Variants in PDK1 observed in about 807,000 individuals in gnomAD.
PDK1 encodes the protein [Pyruvate dehydrogenase (acetyl-transferring)] kinase isozyme 1, mitochondrial.
Under a neutral mutation model 54.2 loss-of-function variants are expected in PDK1, and 39 were observed. The observed-to-expected ratio is 0.72, with a 90% CI of 0.56 to 0.94. The LOEUF is 0.94. Among genes scored for constraint, PDK1 ranks in the 40% least tolerant of loss-of-function variants. PDK1 has a pLI of 0.00. For synonymous variants in PDK1, 221 were observed against 207.1 expected (o/e 1.07, Z -0.58); for missense variants, 552 against 566.0 (o/e 0.98, Z 0.25).
the PDK1 span, among the ~76,000 whole-genome samples, chr2:172,619,637 T>G: frequency 1.3e-5 from 2 of 152,178 alleles, no homozygotes; most frequent in Non-Finnish European, 2.9e-5. Flanking sequence ...GAAGGATTTC[T>G]CAGGTAATAT....
chr2:172,562,180 A>G (rs750853864), intron 2 of PDK1, 40 bp from the exon 3 acceptor site: 43 of 1,096,856 alleles, frequency 3.9e-5, no homozygotes, highest in Non-Finnish European at 5.5e-5. Flanking sequence ...AACTTTCAGA[A>G]TATAAAAGAA....
chr2:172,714,032 G>C, the PDK1 span, among the ~76,000 whole-genome samples: 1 of 152,220 alleles, frequency 6.6e-6, no homozygotes, highest in Non-Finnish European at 1.5e-5. Flanking sequence ...GGAAATAAAT[G>C]CCTGATTTTA....
Position 172,566,925 on chromosome 2 carries a change from A to T in PDK1, c.761A>T (p.Glu254Val), listed in dbSNP as rs1688986862. ...AACTCTCCCGAACTAGAACTTGAAGAACTAAATGGTAAGCCTGATGTTGTC... is the reference window on the plus strand; with the variant it reads ...AACTCTCCCGAACTAGAACTTGAAGTACTAAATGGTAAGCCTGATGTTGTC... ...YINSPELELE[E>V]LNAKSPGQPI... The change falls in exon 6 of 11, where the codon GAA becomes GTA. Residue 254 changes from glutamate to valine, a missense_variant. By Grantham distance (121) the Glu-to-Val change is moderately radical. Coordinates refer to ENST00000282077, the MANE Select transcript of PDK1 (RefSeq NM_002610.5). The T allele has an allele frequency of 6.2e-7, 1 of 1,601,232 alleles. No homozygotes were observed. Among genetic ancestry groups the T allele is most frequent in the Non-Finnish European group, 8.6e-7 (1 of 1,168,960 alleles).
the PDK1 span, among the ~76,000 whole-genome samples, chr2:172,636,602 T>TC: frequency 2.0e-5 from 3 of 151,652 alleles, no homozygotes; most frequent in Non-Finnish European, 4.4e-5. Context: ...GCACCTGCAA[T>TC]CCCAGCTACT....
At position 172,565,003 on chromosome 2, in the gene PDK1, A is replaced by G. The variant is rs1198167228; in HGVS notation, c.621A>G (p.Lys207=). The G allele has an allele frequency of 1.2e-6, 2 of 1,612,906 alleles. No homozygotes were observed. Among genetic ancestry groups the G allele is most frequent in the Non-Finnish European group, 1.7e-6 (2 of 1,178,988 alleles). ...QHSLLFGGKG[K]GSPSHRKHIG... Reference sequence around the variant, plus strand: ...CTTTATTGTTTGGTGGAAAAGGCAAAGGAAGTCCATCTCATCGAAAACACA... The same window carrying G: ...CTTTATTGTTTGGTGGAAAAGGCAAGGGAAGTCCATCTCATCGAAAACACA... Residue 207 remains lysine (K), a synonymous_variant, in exon 5 of 11, where the codon AAA becomes AAG. Transcript: ENST00000282077.
chr2:172,566,921 G>T lies in PDK1; in HGVS notation c.757G>T (p.Glu253Ter). The stretch of plus-strand genomic sequence containing the variant: ...TATTAACTCTCCCGAACTAGAACTT[G>T]AAGAACTAAATGGTAAGCCTGATGT... ...YYINSPELELEELNAKSPGQP... is the reference protein window; with the variant it reads ...YYINSPELEL The change falls in exon 6 of 11, where the codon GAA becomes TAA. Residue 253 changes from glutamate to a stop codon, truncating the protein, a stop_gained. Transcript: ENST00000282077. LOFTEE classifies it high-confidence loss of function. 1 of 1,604,730 alleles carries T rather than the reference G, an allele frequency of 6.2e-7. No individual in the cohort carries two copies. The highest frequency in any genetic ancestry group is 2.2e-5 in the East Asian group (1 of 44,730).
the PDK1 span, chr2:172,674,713 T>G: frequency 6.6e-6 from 1 of 152,318 alleles, no homozygotes; most frequent in African/African-American, 2.4e-5. Context: ...TTTGTCAAAC[T>G]CTGGTTCTCA....
the PDK1 span, among the ~76,000 whole-genome samples, chr2:172,621,797 A>G: frequency 8.9e-6 from 1 of 112,994 alleles, no homozygotes; most frequent in Non-Finnish European, 1.9e-5. Flanking sequence ...TATGTATGAT[A>G]TATGTTTATA....
chr2:172,713,775 G>A, the PDK1 span, among the ~76,000 whole-genome samples: 3 of 152,228 alleles, frequency 2.0e-5, no homozygotes, highest in Non-Finnish European at 2.9e-5. Flanking sequence ...GTCCGGGAGG[G>A]CAAGGTTCCC....
At chr2:172,624,143 C>T in the PDK1 span, among the ~76,000 whole-genome samples, 1 of 152,188 alleles carries the variant, frequency 6.6e-6, no homozygotes, top group Non-Finnish European at 1.5e-5. Flanking sequence ...TGGACTATGA[C>T]TGGCCCTAGG....
At chr2:172,654,882 G>T in the PDK1 span, among the ~76,000 whole-genome samples, 3 of 152,100 alleles carry the variant, frequency 2.0e-5, no homozygotes, top group African/African-American at 7.2e-5. Context: ...CACCCGAGAG[G>T]TTACCTAATA....
upstream of PDK1, chr2:172,555,663 C>G (rs1307510581): frequency 6.6e-6 from 1 of 152,388 alleles, no homozygotes; most frequent in African/African-American, 2.4e-5. Context: ...GCAAGCGGAA[C>G]GCCGCCCTGT....
At position 172,598,146 on chromosome 2, in the gene PDK1, G is replaced by T. The variant is rs946670866; in HGVS notation, c.*2177G>T. ...TACAATTTTTTAGCTTTAAATTACA[G>T]TTTTCTTATAATGTTGAAATGTTTT... On this transcript the variant is annotated 3_prime_UTR_variant, in exon 11 of 11. Transcript: ENST00000282077. 2.6e-5 allele frequency: 4 copies of T among 152,116 alleles called. No homozygotes were observed. The highest frequency in any genetic ancestry group is 7.2e-5 in the African/African-American group (3 of 41,434). The allele number at this position is 152,116 out of a possible 1,614,324, so 9.4% of individuals were successfully genotyped here. A position where few individuals can be genotyped will look rare whatever the true frequency, so the allele number is the denominator to read the frequency against.
chr2:172,631,254 T>C, the PDK1 span, among the ~76,000 whole-genome samples: 1 of 152,242 alleles, frequency 6.6e-6, no homozygotes, highest in African/African-American at 2.4e-5. Context: ...TCCCATCCCA[T>C]CGTATGTCAT....
the PDK1 span, among the ~76,000 whole-genome samples, chr2:172,677,849 G>T: frequency 6.6e-6 from 1 of 152,190 alleles, no homozygotes; most frequent in Non-Finnish European, 1.5e-5. Flanking sequence ...ATCCAAAACT[G>T]TATAGCTACA....
chr2:172,723,727 G>A, the PDK1 span: 2 of 152,180 alleles, frequency 1.3e-5, no homozygotes, highest in Admixed American at 6.5e-5. Context: ...AGTGTTAAAT[G>A]TCTTGAGTGT....
At chr2:172,722,378 A>G in the PDK1 span, among the ~76,000 whole-genome samples, 2 of 152,220 alleles carry the variant, frequency 1.3e-5, no homozygotes, top group African/African-American at 4.8e-5. Flanking sequence ...CACCTGGTCA[A>G]CCTGCTCTGA....
chr2:172,641,482 C>T, the PDK1 span, among the ~76,000 whole-genome samples: 5 of 150,982 alleles, frequency 3.3e-5, no homozygotes, highest in Non-Finnish European at 7.4e-5. Flanking sequence ...TGCACTGTCG[C>T]CCAGGCTAGA....
chr2:172,562,831 AT>A, intron 3 of PDK1: 1 of 1,606,358 alleles, frequency 6.2e-7, no homozygotes, highest in Non-Finnish European at 8.5e-7. Context: ...AATAACCCAT[AT>A]ACCAGAATTG....
Sources: allele counts gnomAD v4.1 joint callset (sites outside exome capture counted in the v4.1 genomes callset), GRCh38; gene constraint gnomAD v4.1.1; transcripts MANE v1.5; gene names NCBI Gene and HGNC (gene_info 2026-07-23, HGNC 2026-07-21).